Variants in RALY observed in about 807,000 individuals in gnomAD.
RALY encodes the protein RNA-binding protein Raly.
Under a neutral mutation model 30.7 loss-of-function variants are expected in RALY, and 15 were observed. The ratio of observed to expected loss-of-function variants is 0.49; its 90% confidence interval spans 0.33 to 0.75. RALY has a LOEUF of 0.75. Ranked by LOEUF, RALY falls within the 30% of genes least tolerant of loss-of-function variation. RALY has a pLI of 0.02. For missense variants in RALY, 339 were observed against 414.3 expected, an observed-to-expected ratio of 0.82 and a Z score of 1.58; for synonymous variants, 177 against 170.8, an observed-to-expected ratio of 1.04 and a Z score of -0.28.
chr20:34,001,039 C>G (rs2030890956), intron 1 of RALY, among the ~76,000 whole-genome samples: 2 of 152,162 alleles, frequency 1.3e-5, no homozygotes, highest in Non-Finnish European at 2.9e-5. Context: ...GGGTTAAATT[C>G]TGGGTTCACA....
chr20:34,057,659 TC>T (rs1461301028), intron 2 of RALY, among the ~76,000 whole-genome samples: 1 of 111,198 alleles, frequency 9.0e-6, no homozygotes, highest in Non-Finnish European at 1.7e-5. Flanking sequence ...AGAGCGAGAC[TC>T]CGTCTCAAAA....
rs1009123495 is a variant in RALY at position 34,084,398 on chromosome 20, A to G, written c.*4493A>G. On this transcript the variant is annotated 3_prime_UTR_variant, in exon 10 of 10. Coordinates refer to ENST00000246194, the MANE Select transcript of RALY (RefSeq NM_016732.3). ...CCATAGGGCCTGTGAGAATAGAGGG[A>G]CAGAGGGGAGAATCCCCAAAAGGAG... The G allele has an allele frequency of 3.3e-5, 5 of 152,288 alleles. No individual in the cohort carries two copies. The highest frequency in any genetic ancestry group is 7.3e-5 in the Non-Finnish European group (5 of 68,074). The allele number at this position is 152,288 out of a possible 1,614,324, so 9.4% of individuals were successfully genotyped here. A position where few individuals can be genotyped will look rare whatever the true frequency, so the allele number is the denominator to read the frequency against.
At chr20:34,066,308 G>A (rs761419628) in intron 2 of RALY, among the ~76,000 whole-genome samples, 6 of 151,576 alleles carry the variant, frequency 4.0e-5, no homozygotes, top group African/African-American at 7.3e-5. Context: ...GTGAAACCCC[G>A]TCTCTACTAA....
At position 34,075,503 on chromosome 20, in the gene RALY, C is replaced by A. The variant is rs576197146; in HGVS notation, c.378-371C>A. ...TTTGTGCTGCTTTGAGATTTGCAAA[C>A]TCTGAGCAGAGGTTGGGGTGGCAGT... On this transcript the variant is annotated intron_variant, in intron 5 of 9. Coordinates refer to ENST00000246194, the MANE Select transcript of RALY (RefSeq NM_016732.3). Among the ~76,000 whole-genome samples, 5 of 152,038 alleles carry A rather than the reference C, an allele frequency of 3.3e-5. No individual in the cohort carries two copies. The South Asian group carries it at 1.0e-3, about 32-fold the overall frequency.
chr20:34,001,906 G>A (rs1381235826), intron 1 of RALY, among the ~76,000 whole-genome samples: 1 of 152,032 alleles, frequency 6.6e-6, no homozygotes, highest in Non-Finnish European at 1.5e-5. Flanking sequence ...AGCTGGGACT[G>A]CAGGTGCCCA....
intron 2 of RALY, among the ~76,000 whole-genome samples, chr20:34,044,633 A>C (rs1321453563): frequency 6.6e-6 from 1 of 151,924 alleles, no homozygotes. Flanking sequence ...ACCACACCTG[A>C]CGTGTGTTAA....
At chr20:34,063,372 G>A (rs1346455960) in intron 2 of RALY, among the ~76,000 whole-genome samples, 2 of 152,140 alleles carry the variant, frequency 1.3e-5, no homozygotes, top group Non-Finnish European at 2.9e-5. Flanking sequence ...AGTGGAATGG[G>A]AATAACACAG....
rs891693231 is a variant in RALY at position 34,030,131 on chromosome 20, A to G, written c.-92-1391A>G. Among the ~76,000 whole-genome samples, 5 of 152,176 alleles carry G rather than the reference A, an allele frequency of 3.3e-5. No homozygotes were observed. The East Asian group carries it at 5.8e-4, about 18-fold the overall frequency. On this transcript the variant is annotated intron_variant, in intron 1 of 9. Coordinates refer to ENST00000246194, the MANE Select transcript of RALY (RefSeq NM_016732.3). ...GGAACTCTGAGCCATGTAAACTAGAACAAGAGAACATGTTTCCTGCCTTCT... is the reference window on the plus strand; with the variant it reads ...GGAACTCTGAGCCATGTAAACTAGAGCAAGAGAACATGTTTCCTGCCTTCT...
chr20:34,027,012 A>G (rs1250157699), intron 1 of RALY, among the ~76,000 whole-genome samples: 2 of 152,134 alleles, frequency 1.3e-5, no homozygotes, highest in African/African-American at 2.4e-5. Flanking sequence ...CTAATCCTAC[A>G]TGACCCAAGA....
At chr20:34,001,155 C>T (rs542773149) in intron 1 of RALY, among the ~76,000 whole-genome samples, 2 of 152,258 alleles carry the variant, frequency 1.3e-5, no homozygotes, top group African/African-American at 4.8e-5. Flanking sequence ...TGCTGAGTTC[C>T]ATTATAAACT....
intron 6 of RALY, 90 bp downstream of exon 6, chr20:34,076,130 AAAC>A (rs1230708781): frequency 7.0e-6 from 10 of 1,436,352 alleles, no homozygotes; most frequent in African/African-American, 2.8e-5. Flanking sequence ...AACATAGATA[AAAC>A]AACAAGTCTT....
chr20:34,031,326 G>A (rs1216698885), intron 1 of RALY, among the ~76,000 whole-genome samples, 196 bp from the exon 2 acceptor site: 1 of 151,062 alleles, frequency 6.6e-6, no homozygotes, highest in Non-Finnish European at 1.5e-5. Context: ...CTCCCAAAGT[G>A]CTGAGATTAC....
At chr20:34,065,994 C>T (rs748838229) in intron 2 of RALY, among the ~76,000 whole-genome samples, 2 of 152,076 alleles carry the variant, frequency 1.3e-5, no homozygotes, top group Non-Finnish European at 2.9e-5. Flanking sequence ...TAGACTTGAT[C>T]TGATAGGATT....
At chr20:34,074,900 A>G (rs1021455987) in intron 5 of RALY, among the ~76,000 whole-genome samples, 2 of 152,214 alleles carry the variant, frequency 1.3e-5, no homozygotes, top group Admixed American at 6.5e-5. Flanking sequence ...AGGAGCCCCA[A>G]GGAATGGGGC....
chr20:33,998,149 C>T (rs986672346), intron 1 of RALY, among the ~76,000 whole-genome samples: 12 of 152,258 alleles, frequency 7.9e-5, no homozygotes, highest in Middle Eastern at 3.4e-3. Context: ...CCTGGTGCTA[C>T]GCTTAGGGAT....
At chr20:34,037,403 G>T (rs996805665) in intron 2 of RALY, among the ~76,000 whole-genome samples, 1 of 152,186 alleles carries the variant, frequency 6.6e-6, no homozygotes, top group Non-Finnish European at 1.5e-5. Context: ...AGAAGAGACC[G>T]CTGCCCGCCT....
At chr20:34,016,178 G>T (rs2031602130) in intron 1 of RALY, among the ~76,000 whole-genome samples, 1 of 152,160 alleles carries the variant, frequency 6.6e-6, no homozygotes, top group Non-Finnish European at 1.5e-5. Context: ...ATACCCAGGT[G>T]CTGTCACCAC....
At chr20:34,040,011 T>C (rs1272024006) in intron 2 of RALY, among the ~76,000 whole-genome samples, 1 of 151,886 alleles carries the variant, frequency 6.6e-6, no homozygotes, top group African/African-American at 2.4e-5. Context: ...CTTGGGAGGC[T>C]GAGGCAGGAG....
chr20:34,027,443 A>G (rs539617876), intron 1 of RALY, among the ~76,000 whole-genome samples: 1 of 152,322 alleles, frequency 6.6e-6, no homozygotes, highest in African/African-American at 2.4e-5. Flanking sequence ...TCTTTCTGTC[A>G]CCTTGCATCA....
Sources: allele counts gnomAD v4.1 joint callset (sites outside exome capture counted in the v4.1 genomes callset), GRCh38; gene constraint gnomAD v4.1.1; transcripts MANE v1.5; gene names NCBI Gene and HGNC (gene_info 2026-07-23, HGNC 2026-07-21).